The following DNAH6 variants were observed in gnomAD, a reference collection of about 807,000 sequenced individuals.
DNAH6 encodes the protein axonemal beta dynein heavy chain 6.
In DNAH6, 340 loss-of-function variants were observed where a neutral mutation model predicts 491.4. The ratio of observed to expected loss-of-function variants is 0.69; its 90% confidence interval spans 0.63 to 0.76. The LOEUF is 0.76. Among genes scored for constraint, DNAH6 ranks in the 30% least tolerant of loss-of-function variants. The pLI is 0.00. For synonymous variants in DNAH6, 1,603 were observed against 1,686.1 expected (o/e 0.95, Z 1.21); for missense variants, 4,443 against 4,972.2 (o/e 0.89, Z 3.20).
intron 64 of DNAH6, among the ~76,000 whole-genome samples, chr2:84,775,264 T>C (rs1676012500): frequency 6.6e-6 from 1 of 152,220 alleles, no homozygotes. Flanking sequence ...TCTATTGAGA[T>C]GATCATATGC....
intron 34 of DNAH6, among the ~76,000 whole-genome samples, chr2:84,654,371 C>T (rs1310944093): frequency 1.3e-5 from 2 of 151,842 alleles, no homozygotes; most frequent in Non-Finnish European, 2.9e-5. Context: ...CAAGAATGAA[C>T]AGGAGAAAAG....
At chr2:84,631,865 T>C (rs1688431722) in intron 29 of DNAH6, among the ~76,000 whole-genome samples, 1 of 152,200 alleles carries the variant, frequency 6.6e-6, no homozygotes. Flanking sequence ...TCTTAAAAAC[T>C]AATAGAGCAA....
At chr2:84,691,873 C>T (rs866311357) in intron 45 of DNAH6, among the ~76,000 whole-genome samples, 1 of 152,186 alleles carries the variant, frequency 6.6e-6, no homozygotes, top group African/African-American at 2.4e-5. Flanking sequence ...ATTTGGCCCA[C>T]AGGCCATAGT....
At chr2:84,746,882 T>G (rs1673021980) in intron 63 of DNAH6, among the ~76,000 whole-genome samples, 1 of 152,080 alleles carries the variant, frequency 6.6e-6, no homozygotes, top group African/African-American at 2.4e-5. Flanking sequence ...GCACATCACA[T>G]GGTGAGAGAG....
chr2:84,681,545 T>A lies in DNAH6; in HGVS notation c.6916+17T>A. 1 of 1,494,622 alleles carries A rather than the reference T, an allele frequency of 6.7e-7. No individual in the cohort carries two copies. The highest frequency in any genetic ancestry group is 8.9e-7 in the Non-Finnish European group (1 of 1,118,300). The allele number at this position is 1,494,622 out of a possible 1,614,324, so 92.6% of individuals were successfully genotyped here. On this transcript the variant is annotated intron_variant, in intron 42 of 76. Coordinates refer to ENST00000389394, the MANE Select transcript of DNAH6 (RefSeq NM_001370.2). ...GTGTGCAAGGTAGTGTACTGAACCC[T>A]CGTTTTCTGATCTGCACCCTCCCTA...
chr2:84,530,438 A>C (rs1465815899), intron 4 of DNAH6, among the ~76,000 whole-genome samples: 7 of 152,166 alleles, frequency 4.6e-5, no homozygotes, highest in Non-Finnish European at 1.0e-4. Flanking sequence ...AACTGGGAGC[A>C]GACCTGGCAT....
rs186318126 is a variant in DNAH6 at position 84,701,147 on chromosome 2, C to T, written c.7869C>T (p.Val2623=). 1.7e-5 allele frequency: 26 copies of T among 1,551,734 alleles called. No individual in the cohort carries two copies. The highest frequency in any genetic ancestry group is 5.9e-5 in the Admixed American group (3 of 50,998). The change falls in exon 49 of 77, where the codon GTC becomes GTT. Residue 2623 remains valine, a synonymous_variant. Transcript: ENST00000389394. The part of the protein sequence containing the change: ...LSVSKTFFSQ[V]DAGNEELKEK... ...TGTCAAAGACATTTTTCTCACAAGTCGATGCTGGAAATGAAGAACTGAAAG... is the reference window on the plus strand; with the variant it reads ...TGTCAAAGACATTTTTCTCACAAGTTGATGCTGGAAATGAAGAACTGAAAG...
intron 21 of DNAH6, among the ~76,000 whole-genome samples, chr2:84,609,065 G>A (rs552217978): frequency 1.3e-5 from 2 of 152,288 alleles, no homozygotes; most frequent in Admixed American, 6.5e-5. Flanking sequence ...TACTTCCACA[G>A]CTTCCTCACC....
At chr2:84,810,688 G>A (rs1319509811) in intron 72 of DNAH6, among the ~76,000 whole-genome samples, 1 of 152,190 alleles carries the variant, frequency 6.6e-6, no homozygotes, top group Non-Finnish European at 1.5e-5. Context: ...GAAGGGAGCA[G>A]CACCCAGGAG....
At chr2:84,665,719 A>G (rs1453010015) in intron 37 of DNAH6, among the ~76,000 whole-genome samples, 2 of 152,220 alleles carry the variant, frequency 1.3e-5, no homozygotes, top group African/African-American at 4.8e-5. Flanking sequence ...CAATCAATAG[A>G]AAAAGAGGGA....
At chr2:84,769,413 A>G (rs1341311976) in intron 64 of DNAH6, among the ~76,000 whole-genome samples, 1 of 152,244 alleles carries the variant, frequency 6.6e-6, no homozygotes, top group Admixed American at 6.5e-5. Context: ...AATCAACTTT[A>G]TCAAAACTCT....
Position 84,641,899 on chromosome 2 carries a change from C to G in DNAH6, c.4971-48C>G, listed in dbSNP as rs564888034. 1.6e-5 allele frequency: 23 copies of G among 1,454,740 alleles called. 1 individual carries two copies. The Admixed American group carries it at 2.7e-4, about 17-fold the overall frequency. 90.1% of individuals were successfully genotyped at this position (1,454,740 alleles called of 1,614,324 possible). A position where few individuals can be genotyped will look rare whatever the true frequency, so the allele number is the denominator to read the frequency against. On this transcript the variant is annotated intron_variant, in intron 32 of 76. Coordinates refer to ENST00000389394, the MANE Select transcript of DNAH6 (RefSeq NM_001370.2). ...CCCCACAGGTTTAGAAAATCATGTT[C>G]AACCTTATGTTCTTGTGATATTATC...
At chr2:84,709,783 A>C (rs905032975) in intron 55 of DNAH6, among the ~76,000 whole-genome samples, 1 of 152,212 alleles carries the variant, frequency 6.6e-6, no homozygotes, top group Non-Finnish European at 1.5e-5. Flanking sequence ...GGTTTTGTTT[A>C]GGGGAATGAC....
In DNAH6 at chr2:84,698,850, A is replaced by G. The variant is rs570983212; in HGVS notation, c.7678-744A>G. Among the ~76,000 whole-genome samples, 9 of 152,332 alleles carry G rather than the reference A, an allele frequency of 5.9e-5. 1 individual carries two copies. The South Asian group carries it at 1.9e-3, about 32-fold the overall frequency. On this transcript the variant is annotated intron_variant, in intron 47 of 76. Transcript: ENST00000389394. The stretch of plus-strand genomic sequence containing the variant: ...GTATGTGCACACCATGGAATACTAC[A>G]CAGCCATTAAAAATAATGAAATTGT...
At chr2:84,646,665 A>G (rs1689928520) in intron 33 of DNAH6, among the ~76,000 whole-genome samples, 2 of 152,202 alleles carry the variant, frequency 1.3e-5, no homozygotes, top group South Asian at 4.1e-4. Flanking sequence ...ACATTCCATT[A>G]AGCCAAAGCC....
intron 4 of DNAH6, among the ~76,000 whole-genome samples, chr2:84,537,147 C>G (rs2104487941): frequency 1.3e-5 from 2 of 152,106 alleles, no homozygotes; most frequent in African/African-American, 4.8e-5. Flanking sequence ...AATCCTGCAG[C>G]TGTGTACCCT....
chr2:84,599,670 T>C (rs1685032713), intron 18 of DNAH6, among the ~76,000 whole-genome samples: 1 of 149,232 alleles, frequency 6.7e-6, no homozygotes, highest in South Asian at 2.1e-4. Context: ...CAAAAGTCAA[T>C]TGACTATATT....
chr2:84,644,507 G>A (rs572154158), intron 33 of DNAH6, among the ~76,000 whole-genome samples: 1 of 151,994 alleles, frequency 6.6e-6, no homozygotes, highest in South Asian at 2.1e-4. Flanking sequence ...CATGTGCCAT[G>A]GTGGTTTGCT....
rs576576070 is a variant in DNAH6 at position 84,815,956 on chromosome 2, C to T, written c.12246C>T (p.Pro4082=). Residue 4082 remains proline (P), a synonymous_variant, in exon 76 of 77, where the codon CCC becomes CCT. Coordinates refer to ENST00000389394, the MANE Select transcript of DNAH6 (RefSeq NM_001370.2). The part of the protein sequence containing the change: ...DKEMVIEDAL[P]GQMNPVLPVV... Reference sequence around the variant, plus strand: ...AGATGGTGATAGAAGATGCATTGCCCGGACAGATGAATCCAGTGCTGCCTG... The same window carrying T: ...AGATGGTGATAGAAGATGCATTGCCTGGACAGATGAATCCAGTGCTGCCTG... 5.8e-5 allele frequency: 90 copies of T among 1,551,832 alleles called. No homozygotes were observed. Among genetic ancestry groups the T allele is most frequent in the East Asian group, 4.2e-4 (17 of 40,914 alleles).
Sources: gnomAD v4.1 joint callset for allele counts (sites outside exome capture counted in the v4.1 genomes callset) on GRCh38, gnomAD v4.1.1 for gene constraint, MANE v1.5 for transcripts, NCBI Gene and HGNC (gene_info 2026-07-23, HGNC 2026-07-21) for gene names.